RCAN2: variants seen among roughly 807,000 people sequenced by gnomAD.
RCAN2 encodes the protein regulator of calcineurin 2.
Under a neutral mutation model 23.6 loss-of-function variants are expected in RCAN2, and 9 were observed. The ratio of observed to expected loss-of-function variants is 0.38; its 90% CI spans 0.23 to 0.67. RCAN2 has a LOEUF of 0.67. Among genes scored for constraint, RCAN2 ranks in the 30% least tolerant of loss-of-function variants. The pLI is 0.51. For synonymous variants in RCAN2, 109 were observed against 115.7 expected (o/e 0.94, Z 0.37); for missense variants, 273 against 302.3 (o/e 0.90, Z 0.72).
At chr6:46,388,460 AG>A (rs1464589009) in intron 2 of RCAN2, among the ~76,000 whole-genome samples, 1 of 152,150 alleles carries the variant, frequency 6.6e-6, no homozygotes, top group African/African-American at 2.4e-5. Flanking sequence ...ATATACCCAA[AG>A]GATTATAAAT....
chr6:46,421,878 AAAAT>A (rs1766898059), intron 2 of RCAN2, among the ~76,000 whole-genome samples: 1 of 152,242 alleles, frequency 6.6e-6, no homozygotes, highest in Non-Finnish European at 1.5e-5. Flanking sequence ...CCAGCTGATA[AAAAT>A]AAATAAATAT....
chr6:46,247,580 C>A (rs149874045), intron 3 of RCAN2, among the ~76,000 whole-genome samples: 1 of 152,204 alleles, frequency 6.6e-6, no homozygotes, highest in Non-Finnish European at 1.5e-5. Flanking sequence ...CTTGATATGT[C>A]CTATAAGTAG....
intron 2 of RCAN2, among the ~76,000 whole-genome samples, chr6:46,412,740 T>C (rs1766583811): frequency 6.6e-6 from 1 of 152,104 alleles, no homozygotes; most frequent in Admixed American, 6.5e-5. Flanking sequence ...ATTGCTTTGA[T>C]GAGAGCTGTC....
intron 2 of RCAN2, among the ~76,000 whole-genome samples, chr6:46,444,940 T>G (rs1767659018): frequency 6.6e-6 from 1 of 151,942 alleles, no homozygotes; most frequent in Non-Finnish European, 1.5e-5. Flanking sequence ...GGTTCCACAC[T>G]TGTCCTAGCA....
intron 2 of RCAN2, among the ~76,000 whole-genome samples, chr6:46,278,343 G>C (rs144523293): frequency 6.6e-6 from 1 of 151,650 alleles, no homozygotes; most frequent in Admixed American, 6.6e-5. Context: ...CATATCTTAC[G>C]ACATTTTCTT....
At chr6:46,344,177 C>T (rs1006843394) in intron 2 of RCAN2, among the ~76,000 whole-genome samples, 4 of 152,120 alleles carry the variant, frequency 2.6e-5, no homozygotes, top group African/African-American at 9.7e-5. Flanking sequence ...GAGTTATACA[C>T]ATAAAATGTG....
intron 1 of RCAN2, among the ~76,000 whole-genome samples, chr6:46,460,351 T>A (rs1204140413): frequency 5.3e-5 from 8 of 152,354 alleles, no homozygotes. Context: ...TGTCAGACAC[T>A]GTGCCCAGCC....
At chr6:46,414,626 C>T (rs536399481) in intron 2 of RCAN2, among the ~76,000 whole-genome samples, 1 of 152,228 alleles carries the variant, frequency 6.6e-6, no homozygotes, top group East Asian at 1.9e-4. Flanking sequence ...CAGTTGAAGG[C>T]CTTAATAGAG....
At position 46,362,160 on chromosome 6, in the gene RCAN2, G is replaced by A. The variant is rs575950398; in HGVS notation, c.225+94592C>T. Among the ~76,000 whole-genome samples the A allele has an allele frequency of 2.6e-5, 4 of 152,220 alleles. No individual in the cohort carries two copies. In the East Asian group the frequency reaches 5.8e-4, roughly 22 times the overall value. On this transcript the variant is annotated intron_variant, in intron 2 of 4. Coordinates refer to ENST00000371374, the MANE Select transcript of RCAN2 (RefSeq NM_001251974.2). ...GGAAGACCCAACTTAGGGTAGTCACGATATACATGCTATAGATGTGTCACC... is the reference window on the plus strand; with the variant it reads ...GGAAGACCCAACTTAGGGTAGTCACAATATACATGCTATAGATGTGTCACC...
At chr6:46,491,007 ACCCCCGCCACCG>A (rs1466575103) in intron 1 of RCAN2, among the ~76,000 whole-genome samples, 154 bp downstream of exon 1, 1,779 of 78,582 alleles carry the variant, frequency 0.023, 23 homozygotes, top group African/African-American at 0.055. Context: ...CACTGCCCCC[ACCCCCGCCACCG>A]CCCCCGCCCC....
intron 2 of RCAN2, among the ~76,000 whole-genome samples, chr6:46,329,632 TG>T (rs1342348289): frequency 2.0e-5 from 3 of 152,128 alleles, no homozygotes; most frequent in Non-Finnish European, 2.9e-5. Context: ...GGGAGGCTTT[TG>T]CAGAAGGGCT....
At chr6:46,274,307 A>T (rs1436096087) in intron 2 of RCAN2, among the ~76,000 whole-genome samples, 2 of 152,198 alleles carry the variant, frequency 1.3e-5, no homozygotes, top group Non-Finnish European at 1.5e-5. Flanking sequence ...TATATAGGTC[A>T]TCTACTGCCT....
intron 2 of RCAN2, among the ~76,000 whole-genome samples, chr6:46,376,730 C>T (rs1280196891): frequency 6.6e-6 from 1 of 150,604 alleles, no homozygotes. Context: ...AAAAAAAACA[C>T]GGTAGGCTCT....
At chr6:46,467,023 C>A (rs1768404496) in intron 1 of RCAN2, among the ~76,000 whole-genome samples, 1 of 152,100 alleles carries the variant, frequency 6.6e-6, no homozygotes, top group South Asian at 2.1e-4. Flanking sequence ...CGCTCTCAGC[C>A]CAGCCTGCAC....
intron 1 of RCAN2, among the ~76,000 whole-genome samples, chr6:46,479,966 A>T (rs936292370): frequency 9.2e-5 from 14 of 152,226 alleles, no homozygotes; most frequent in African/African-American, 2.9e-4. Context: ...AAATTACATA[A>T]GTCCATTGTT....
intron 2 of RCAN2, among the ~76,000 whole-genome samples, chr6:46,296,324 T>C (rs754789031): frequency 6.6e-6 from 1 of 151,870 alleles, no homozygotes; most frequent in African/African-American, 2.4e-5. Flanking sequence ...CACTAGATTA[T>C]AAAGACTTCA....
chr6:46,287,228 T>C (rs1220698332), intron 2 of RCAN2, among the ~76,000 whole-genome samples: 2 of 152,214 alleles, frequency 1.3e-5, no homozygotes, highest in Non-Finnish European at 2.9e-5. Flanking sequence ...AGAGTGACTC[T>C]ACAGGTGGCA....
At chr6:46,463,704 T>G (rs1483317208) in intron 1 of RCAN2, among the ~76,000 whole-genome samples, 1 of 152,188 alleles carries the variant, frequency 6.6e-6, no homozygotes, top group African/African-American at 2.4e-5. Flanking sequence ...AATCTTAAAT[T>G]TGGATGCTCA....
chr6:46,335,407 T>A (rs996602149), intron 2 of RCAN2, among the ~76,000 whole-genome samples: 4 of 152,136 alleles, frequency 2.6e-5, no homozygotes, highest in Admixed American at 2.6e-4. Flanking sequence ...TCAACCCAAT[T>A]CAGGTATTGT....
Sources: gnomAD v4.1 joint callset for allele counts (sites outside exome capture counted in the v4.1 genomes callset) on GRCh38, gnomAD v4.1.1 for gene constraint, MANE v1.5 for transcripts, NCBI Gene and HGNC (gene_info 2026-07-23, HGNC 2026-07-21) for gene names.